Variants in SPATA6L observed in about 807,000 individuals in gnomAD.
SPATA6L encodes the protein spermatogenesis associated 6-like protein.
In SPATA6L, 68 loss-of-function variants were observed where a neutral mutation model predicts 49.2. That is an observed-to-expected ratio of 1.38 (90% CI 1.14 to 1.69). The LOEUF is 1.69. Ranked by LOEUF, SPATA6L falls within the 40% of genes most tolerant of loss-of-function variation. The pLI, the probability that SPATA6L is intolerant of heterozygous loss-of-function variation, is 0.00. For missense variants in SPATA6L, 668 were observed against 464.3 expected, an observed-to-expected ratio of 1.44 and a Z score of -4.03; for synonymous variants, 198 against 165.7, an observed-to-expected ratio of 1.19 and a Z score of -1.50.
At chr9:4,656,991 T>G in intron 2 of SPATA6L, among the ~76,000 whole-genome samples, 1 of 152,216 alleles carries the variant, frequency 6.6e-6, no homozygotes, top group East Asian at 1.9e-4. Context: ...CTCAAAAGTT[T>G]TAAGTGTATC....
chr9:4,655,934 T>G, intron 3 of SPATA6L, 107 bp downstream of exon 3: 2 of 860,730 alleles, frequency 2.3e-6, no homozygotes, highest in South Asian at 1.6e-5. Context: ...GAAATAAATA[T>G]TCATCAAACA....
At chr9:4,621,602 C>T (rs1336999710) in intron 7 of SPATA6L, among the ~76,000 whole-genome samples, 2 of 152,124 alleles carry the variant, frequency 1.3e-5, no homozygotes, top group Non-Finnish European at 2.9e-5. Context: ...GATTCTCCTG[C>T]CTCAGCCTCC....
intron 2 of SPATA6L, among the ~76,000 whole-genome samples, chr9:4,656,968 AAG>A (rs1200754180): frequency 8.3e-5 from 11 of 132,350 alleles, no homozygotes; most frequent in Admixed American, 2.3e-4. Flanking sequence ...TAAGGAAAGA[AAG>A]AGAGAAGAGT....
At chr9:4,655,029 C>G (rs1353755924) in intron 3 of SPATA6L, among the ~76,000 whole-genome samples, 4 of 152,154 alleles carry the variant, frequency 2.6e-5, no homozygotes, top group African/African-American at 9.7e-5. Context: ...TATGACCCAG[C>G]AATTTCACTC....
At chr9:4,630,192 G>C (rs1315126145) in intron 4 of SPATA6L, among the ~76,000 whole-genome samples, 1 of 152,044 alleles carries the variant, frequency 6.6e-6, no homozygotes, top group Non-Finnish European at 1.5e-5. Flanking sequence ...TTTTAGGAGG[G>C]ATGGGATTGT....
chr9:4,623,439 T>C lies in SPATA6L; in HGVS notation c.670-929A>G, dbSNP rs146670636. 6.1e-3 allele frequency among the ~76,000 whole-genome samples: 921 copies of C among 152,176 alleles called. 11 individuals carry two copies. Among genetic ancestry groups the C allele is most frequent in the African/African-American group, 0.021 (887 of 41,478 alleles). On this transcript the variant is annotated intron_variant, in intron 6 of 11. Coordinates refer to ENST00000682582, the MANE Select transcript of SPATA6L (RefSeq NM_001353486.2). Reference sequence around the variant, plus strand: ...TAGGGACTCTTCCAAATAGCTACAATATAGAGTTGCTGATTTGTTTTTTAC... The same window carrying C: ...TAGGGACTCTTCCAAATAGCTACAACATAGAGTTGCTGATTTGTTTTTTAC...
intron 13 of SPATA6L, among the ~76,000 whole-genome samples, chr9:4,590,817 G>A (rs1478260029): frequency 2.0e-5 from 3 of 152,176 alleles, no homozygotes; most frequent in Non-Finnish European, 4.4e-5. Flanking sequence ...AGTAGTGTCT[G>A]GATGCCTGTC....
chr9:4,639,801 GGAATATCCAA>G (rs1833643166), intron 3 of SPATA6L, among the ~76,000 whole-genome samples: 1 of 152,204 alleles, frequency 6.6e-6, no homozygotes, highest in Non-Finnish European at 1.5e-5. Context: ...ATTGGCTGAA[GGAATATCCAA>G]CATTTTTAGA....
chr9:4,642,433 T>A (rs1834230070), intron 3 of SPATA6L, among the ~76,000 whole-genome samples: 1 of 152,132 alleles, frequency 6.6e-6, no homozygotes, highest in Non-Finnish European at 1.5e-5. Context: ...CGTCTACCTA[T>A]GAAGGTAATG....
intron 3 of SPATA6L, among the ~76,000 whole-genome samples, chr9:4,644,673 T>C (rs1834903631): frequency 7.6e-6 from 1 of 132,034 alleles, no homozygotes; most frequent in South Asian, 2.3e-4. Context: ...TCTCTCTCTC[T>C]CTCTCTCTCT....
At chr9:4,647,327 C>T (rs542510140) in intron 3 of SPATA6L, among the ~76,000 whole-genome samples, 8 of 152,274 alleles carry the variant, frequency 5.3e-5, no homozygotes, top group Admixed American at 3.3e-4. Flanking sequence ...CACAGTGGCT[C>T]GTGCCTGTAA....
chr9:4,606,829 G>A (rs539875655), intron 9 of SPATA6L, among the ~76,000 whole-genome samples: 2 of 148,322 alleles, frequency 1.3e-5, no homozygotes, highest in East Asian at 2.0e-4. Context: ...GAAGGCTTCA[G>A]ACGATCAAAT....
chr9:4,638,794 T>TC (rs1019153670), intron 3 of SPATA6L, among the ~76,000 whole-genome samples: 12 of 112,834 alleles, frequency 1.1e-4, no homozygotes, highest in Admixed American at 3.7e-4. Context: ...TCTTTTCTTT[T>TC]TTTTTTTTGA....
Position 4,611,468 on chromosome 9 carries a change from A to G in SPATA6L, c.996-6028T>C, listed in dbSNP as rs1379962419. On this transcript the variant is annotated intron_variant, in intron 9 of 11. Transcript: ENST00000682582. Reference sequence around the variant, plus strand: ...ATATACCACGGAATACTATGCAGCCATAAAAAATGATGAGTTCATGTCCTT... The same window carrying G: ...ATATACCACGGAATACTATGCAGCCGTAAAAAATGATGAGTTCATGTCCTT... 4.0e-5 allele frequency among the ~76,000 whole-genome samples: 6 copies of G among 149,616 alleles called. 1 individual carries two copies. The highest frequency in any genetic ancestry group is 7.7e-5 in the African/African-American group (3 of 38,926).
rs549036162 is a variant in SPATA6L, at chr9:4,659,897, T to C, written c.177+2002A>G. Among the ~76,000 whole-genome samples the C allele has an allele frequency of 5.9e-5, 9 of 152,314 alleles. No individual in the cohort carries two copies. The East Asian group carries it at 7.7e-4, about 13-fold the overall frequency. On this transcript the variant is annotated intron_variant, in intron 2 of 11. Coordinates refer to ENST00000682582, the MANE Select transcript of SPATA6L (RefSeq NM_001353486.2). Reference sequence around the variant, plus strand: ...ACCACACATCCACAACCATCTGATATTTGACAAACCTGACAAAAACAAGAA... The same window carrying C: ...ACCACACATCCACAACCATCTGATACTTGACAAACCTGACAAAAACAAGAA...
intron 4 of SPATA6L, among the ~76,000 whole-genome samples, chr9:4,634,154 T>C (rs1832267728): frequency 6.6e-6 from 1 of 152,212 alleles, no homozygotes; most frequent in South Asian, 2.1e-4. Context: ...GTAGATGCCT[T>C]TTCTTTAACA....
chr9:4,630,045 C>G, intron 4 of SPATA6L, among the ~76,000 whole-genome samples: 1 of 151,776 alleles, frequency 6.6e-6, no homozygotes, highest in East Asian at 1.9e-4. Context: ...GTAAGAAAAG[C>G]CAGTCTCAAA....
chr9:4,631,588 T>C (rs1161933001), intron 4 of SPATA6L, among the ~76,000 whole-genome samples: 1 of 151,594 alleles, frequency 6.6e-6, no homozygotes, highest in Non-Finnish European at 1.5e-5. Flanking sequence ...GCAAGTGAAA[T>C]AAAACAGCAA....
chr9:4,616,084 C>A (rs1046041547), intron 9 of SPATA6L, among the ~76,000 whole-genome samples: 1 of 152,074 alleles, frequency 6.6e-6, no homozygotes, highest in Non-Finnish European at 1.5e-5. Context: ...AGAGCCTGGG[C>A]AACACAGTGA....
Sources: gnomAD v4.1 joint callset for allele counts (sites outside exome capture counted in the v4.1 genomes callset) on GRCh38, gnomAD v4.1.1 for gene constraint, MANE v1.5 for transcripts, NCBI Gene and HGNC (gene_info 2026-07-23, HGNC 2026-07-21) for gene names.